KAZN: variants seen among roughly 807,000 people sequenced by gnomAD.
KAZN encodes the protein kazrin, periplakin interacting protein.
A neutral mutation model predicts 87.4 loss-of-function variants in KAZN; 40 were observed. The ratio of observed to expected loss-of-function variants is 0.46; its 90% CI spans 0.36 to 0.60. The LOEUF is 0.60. Among genes scored for constraint, KAZN ranks in the 20% least tolerant of loss-of-function variants. The pLI is 0.00. For missense variants in KAZN, 898 were observed against 1,073.9 expected (o/e 0.84, Z 2.29); for synonymous variants, 466 against 458.3 (o/e 1.02, Z -0.22).
intron 2 of KAZN, among the ~76,000 whole-genome samples, chr1:15,014,539 C>T (rs375956664): frequency 3.0e-4 from 45 of 152,246 alleles, no homozygotes; most frequent in Middle Eastern, 3.4e-3. Flanking sequence ...ATGAGCCTCT[C>T]GTGGCACGGC....
At chr1:14,043,787 T>A (rs966082282) in intron 1 of KAZN, among the ~76,000 whole-genome samples, 8 of 152,146 alleles carry the variant, frequency 5.3e-5, no homozygotes, top group Non-Finnish European at 1.2e-4. Flanking sequence ...CATATCCCCA[T>A]GTTACATATG....
intron 2 of KAZN, among the ~76,000 whole-genome samples, chr1:14,295,418 G>A (rs1278379128): frequency 6.6e-6 from 1 of 152,096 alleles, no homozygotes; most frequent in African/African-American, 2.4e-5. Flanking sequence ...ATATACATGA[G>A]ACACAGACAC....
At chr1:14,075,779 A>G (rs1042734276) in intron 1 of KAZN, among the ~76,000 whole-genome samples, 6 of 152,098 alleles carry the variant, frequency 3.9e-5, no homozygotes, top group Admixed American at 2.6e-4. Context: ...GGGCTGCCCT[A>G]TACACTGTAG....
At chr1:14,690,494 A>G (rs1275486152) in intron 1 of KAZN, among the ~76,000 whole-genome samples, 4 of 152,114 alleles carry the variant, frequency 2.6e-5, no homozygotes, top group Admixed American at 1.3e-4. Flanking sequence ...CACCAAAACA[A>G]TCGGTGGTTC....
chr1:14,007,811 C>T (rs889633687), intron 1 of KAZN, among the ~76,000 whole-genome samples: 36 of 152,204 alleles, frequency 2.4e-4, no homozygotes, highest in African/African-American at 7.5e-4. Context: ...GTTTAACAGA[C>T]GCTGTCCGAT....
In KAZN at chr1:14,672,488, C is replaced by T. The variant is rs529897986; in HGVS notation, c.226+73265C>T. 1.8e-4 allele frequency among the ~76,000 whole-genome samples: 28 copies of T among 152,252 alleles called. No individual in the cohort carries two copies. The South Asian group carries it at 5.6e-3, about 30-fold the overall frequency. ...CTCTTTCTCGAAGAGCTCCCAAGGC[C>T]GAGGATCATTGAAAGCTCAGTCGTT... On this transcript the variant is annotated intron_variant, in intron 1 of 14. Transcript: ENST00000376030.
chr1:14,497,917 G>A (rs1670035724), intron 2 of KAZN, among the ~76,000 whole-genome samples: 1 of 152,104 alleles, frequency 6.6e-6, no homozygotes. Context: ...TTAATTCCTT[G>A]CCCATGGTCT....
intron 2 of KAZN, among the ~76,000 whole-genome samples, chr1:14,514,000 G>A (rs1671061628): frequency 1.3e-5 from 2 of 151,634 alleles, no homozygotes; most frequent in Admixed American, 6.6e-5. Context: ...GAGTTTTTGA[G>A]GCATAAGCAC....
At chr1:14,991,154 A>G (rs2101951902) in intron 2 of KAZN, among the ~76,000 whole-genome samples, 1 of 152,114 alleles carries the variant, frequency 6.6e-6, no homozygotes, top group East Asian at 1.9e-4. Context: ...GGAGTTCGAG[A>G]CCAGCCTGGC....
intron 8 of KAZN, among the ~76,000 whole-genome samples, chr1:15,080,605 G>T (rs1463070550): frequency 6.6e-6 from 1 of 152,216 alleles, no homozygotes; most frequent in Non-Finnish European, 1.5e-5. Flanking sequence ...GATCAGCAAA[G>T]CATCTACATC....
chr1:14,182,332 G>A (rs998902495), intron 2 of KAZN, among the ~76,000 whole-genome samples: 7 of 152,134 alleles, frequency 4.6e-5, no homozygotes, highest in Non-Finnish European at 7.4e-5. Context: ...CCTGGGTCAG[G>A]TAGAAACGTC....
At chr1:14,649,960 A>T (rs1180785249) in intron 1 of KAZN, among the ~76,000 whole-genome samples, 5 of 151,842 alleles carry the variant, frequency 3.3e-5, no homozygotes, top group African/African-American at 9.7e-5. Flanking sequence ...CTTGGCACCT[A>T]AATTCTACCT....
In KAZN at chr1:14,777,670, G is replaced by A. The variant is rs369629188; in HGVS notation, c.226+178447G>A. 1.5e-4 allele frequency among the ~76,000 whole-genome samples: 23 copies of A among 152,194 alleles called. 1 individual carries two copies. Among genetic ancestry groups the A allele is most frequent in the East Asian group, 9.7e-4 (5 of 5,170 alleles). On this transcript the variant is annotated intron_variant, in intron 1 of 14. Transcript: ENST00000376030. ...GAACTCTCTTCATCCAGACTTCCTCGTCACTCTGCCTCCTCATTGTCACTC... is the reference window on the plus strand; with the variant it reads ...GAACTCTCTTCATCCAGACTTCCTCATCACTCTGCCTCCTCATTGTCACTC...
intron 1 of KAZN, among the ~76,000 whole-genome samples, chr1:14,883,355 A>AGAGAAAG (rs1553150619): frequency 9.7e-5 from 2 of 20,600 alleles, no homozygotes; most frequent in Non-Finnish European, 1.9e-4. Flanking sequence ...AGAAAGAAAG[A>AGAGAAAG]AAAGAAAGAA....
chr1:14,882,637 A>C (rs1653463772), intron 1 of KAZN, among the ~76,000 whole-genome samples: 1 of 152,192 alleles, frequency 6.6e-6, no homozygotes, highest in South Asian at 2.1e-4. Flanking sequence ...TGAGGAACCA[A>C]GGGAAGGTTA....
intron 2 of KAZN, among the ~76,000 whole-genome samples, chr1:14,386,413 G>C (rs1194532428): frequency 6.6e-6 from 1 of 151,808 alleles, no homozygotes; most frequent in Non-Finnish European, 1.5e-5. Context: ...TAGTCTCAAT[G>C]GTCTTTACAT....
intron 1 of KAZN, among the ~76,000 whole-genome samples, chr1:14,817,811 G>C (rs1288100729): frequency 6.6e-6 from 1 of 151,718 alleles, no homozygotes; most frequent in Non-Finnish European, 1.5e-5. Flanking sequence ...TATTAAAACT[G>C]TGTATATAGG....
At chr1:14,030,525 A>G (rs984554337) in intron 1 of KAZN, among the ~76,000 whole-genome samples, 5 of 152,116 alleles carry the variant, frequency 3.3e-5, no homozygotes, top group Admixed American at 1.3e-4. Context: ...GCACATGTAT[A>G]CATATGTAAC....
At chr1:14,462,052 T>G (rs1249438906) in intron 2 of KAZN, among the ~76,000 whole-genome samples, 1 of 151,506 alleles carries the variant, frequency 6.6e-6, no homozygotes, top group African/African-American at 2.4e-5. Flanking sequence ...TCCTAGAATA[T>G]TGTTCTAGGA....
Sources: allele counts gnomAD v4.1 joint callset (sites outside exome capture counted in the v4.1 genomes callset), GRCh38; gene constraint gnomAD v4.1.1; transcripts MANE v1.5; gene names NCBI Gene and HGNC (gene_info 2026-07-23, HGNC 2026-07-21).